The following LRMDA variants were observed in gnomAD, a reference collection of about 807,000 sequenced individuals.
LRMDA encodes leucine rich melanocyte differentiation associated, also known as leucine-rich melanocyte differentiation-associated protein.
In LRMDA, 18 loss-of-function variants were observed where a neutral mutation model predicts 29.8. The observed-to-expected ratio is 0.60, with a 90% CI of 0.42 to 0.90. The LOEUF is 0.90. Ranked by LOEUF, LRMDA falls within the 40% of genes least tolerant of loss-of-function variation. The pLI is 0.00. For missense variants in LRMDA, 273 were observed against 273.9 expected (o/e 1.00, Z 0.02); for synonymous variants, 125 against 109.4 (o/e 1.14, Z -0.89).
chr10:75,665,684 A>G (rs1306516394), intron 2 of LRMDA, among the ~76,000 whole-genome samples: 2 of 152,262 alleles, frequency 1.3e-5, no homozygotes, highest in Non-Finnish European at 2.9e-5. Context: ...TAGTAATGTC[A>G]GGAAAAATTG....
chr10:75,657,391 G>T (rs1841690301), intron 2 of LRMDA, among the ~76,000 whole-genome samples: 1 of 152,158 alleles, frequency 6.6e-6, no homozygotes, highest in South Asian at 2.1e-4. Flanking sequence ...AAGGGTGAAA[G>T]CGTGGTAGGC....
chr10:76,358,154 G>A (rs1841265565), intron 6 of LRMDA, among the ~76,000 whole-genome samples: 1 of 152,160 alleles, frequency 6.6e-6, no homozygotes, highest in East Asian at 1.9e-4. Flanking sequence ...AGATCCCTCA[G>A]CTTTATTCAT....
At chr10:75,717,883 C>T (rs778304637) in intron 2 of LRMDA, among the ~76,000 whole-genome samples, 4 of 152,012 alleles carry the variant, frequency 2.6e-5, no homozygotes, top group African/African-American at 4.8e-5. Flanking sequence ...TCAGCCATAT[C>T]GCACCAACAT....
intron 5 of LRMDA, among the ~76,000 whole-genome samples, chr10:76,144,181 T>G (rs1245408892): frequency 1.3e-5 from 2 of 152,216 alleles, no homozygotes; most frequent in Non-Finnish European, 2.9e-5. Flanking sequence ...GCGGGCTCTT[T>G]TTTGGTTCCA....
chr10:76,404,296 G>A (rs963285496), intron 6 of LRMDA, among the ~76,000 whole-genome samples: 3 of 152,102 alleles, frequency 2.0e-5, no homozygotes, highest in African/African-American at 4.8e-5. Flanking sequence ...TTATTATTAT[G>A]AGTGTTTCAC....
chr10:75,915,854 G>A (rs549736928), intron 2 of LRMDA, among the ~76,000 whole-genome samples: 1 of 152,288 alleles, frequency 6.6e-6, no homozygotes, highest in South Asian at 2.1e-4. Flanking sequence ...AGGCCAGTGA[G>A]TTGGTGTCAT....
intron 5 of LRMDA, among the ~76,000 whole-genome samples, chr10:76,270,029 T>A (rs1840048399): frequency 6.6e-6 from 1 of 152,174 alleles, no homozygotes; most frequent in Non-Finnish European, 1.5e-5. Context: ...ACTCCCCTTT[T>A]TGTTCCCCGT....
chr10:75,753,278 G>A (rs1443755287), intron 2 of LRMDA, among the ~76,000 whole-genome samples: 1 of 152,224 alleles, frequency 6.6e-6, no homozygotes, highest in Non-Finnish European at 1.5e-5. Context: ...CCTAAGGGCA[G>A]TGGGGACCTT....
At chr10:75,523,142 G>A (rs1242328514) in intron 2 of LRMDA, among the ~76,000 whole-genome samples, 1 of 152,218 alleles carries the variant, frequency 6.6e-6, no homozygotes, top group Non-Finnish European at 1.5e-5. Context: ...AGCAAATGGA[G>A]TAATGTGGGT....
chr10:75,912,694 G>A (rs1438603775), intron 2 of LRMDA, among the ~76,000 whole-genome samples: 1 of 152,186 alleles, frequency 6.6e-6, no homozygotes. Flanking sequence ...TTGAATGTGA[G>A]GCTGAGACAT....
intron 2 of LRMDA, among the ~76,000 whole-genome samples, chr10:75,995,710 G>A (rs1190257321): frequency 6.6e-6 from 1 of 152,140 alleles, no homozygotes; most frequent in Non-Finnish European, 1.5e-5. Context: ...TTATTGTGAA[G>A]TTTTTCTTTC....
intron 2 of LRMDA, among the ~76,000 whole-genome samples, chr10:75,833,140 G>T (rs1473356925): frequency 6.6e-6 from 1 of 152,180 alleles, no homozygotes; most frequent in East Asian, 1.9e-4. Flanking sequence ...CTCCCAGCCA[G>T]CCCCTTGCAC....
At chr10:75,748,466 G>C (rs1021214367) in intron 2 of LRMDA, among the ~76,000 whole-genome samples, 1 of 152,000 alleles carries the variant, frequency 6.6e-6, no homozygotes, top group African/African-American at 2.4e-5. Context: ...CTATGTAACT[G>C]AACTCATTAT....
Position 76,424,338 on chromosome 10 carries a change from A to G in LRMDA, c.601+99853A>G, listed in dbSNP as rs544399932. Reference sequence around the variant, plus strand: ...AGGTCAGGAGATTGAGACCATCCTGACAAATATGGTGAAACCCTGTCTCTA... The same window carrying G: ...AGGTCAGGAGATTGAGACCATCCTGGCAAATATGGTGAAACCCTGTCTCTA... On this transcript the variant is annotated intron_variant, in intron 6 of 6. Transcript: ENST00000611255. 3.3e-5 allele frequency among the ~76,000 whole-genome samples: 5 copies of G among 152,196 alleles called. No individual in the cohort carries two copies. The South Asian group carries it at 1.0e-3, about 32-fold the overall frequency.
At chr10:76,182,202 A>G (rs186877685) in intron 5 of LRMDA, among the ~76,000 whole-genome samples, 391 of 152,240 alleles carry the variant, frequency 2.6e-3, no homozygotes, top group Middle Eastern at 6.8e-3. Flanking sequence ...AGGCAAAGGG[A>G]AGCAAGGCAT....
At chr10:76,212,462 G>T (rs926594190) in intron 5 of LRMDA, among the ~76,000 whole-genome samples, 2 of 151,486 alleles carry the variant, frequency 1.3e-5, no homozygotes, top group African/African-American at 4.8e-5. Context: ...CTTTTTTTTG[G>T]AAGGAAGTGT....
In LRMDA at chr10:76,557,195, C is replaced by G. The variant is rs776210983; in HGVS notation, c.602-14C>G. The G allele has an allele frequency of 6.2e-7, 1 of 1,609,742 alleles. No individual in the cohort carries two copies. The highest frequency in any genetic ancestry group is 1.1e-5 in the South Asian group (1 of 90,980). Reference sequence around the variant, plus strand: ...GTGTGCCACCTGTAATGATGTGTGTCTTTTTATTTGCAGGTGTCCTGGGGA... The same window carrying G: ...GTGTGCCACCTGTAATGATGTGTGTGTTTTTATTTGCAGGTGTCCTGGGGA... On this transcript the variant is annotated splice_polypyrimidine_tract_variant and intron_variant, in intron 6 of 6. Coordinates refer to ENST00000611255, the MANE Select transcript of LRMDA (RefSeq NM_001305581.2).
At chr10:76,359,984 T>C (rs565802211) in intron 6 of LRMDA, among the ~76,000 whole-genome samples, 1 of 152,074 alleles carries the variant, frequency 6.6e-6, no homozygotes, top group Non-Finnish European at 1.5e-5. Flanking sequence ...GTGGCATTTC[T>C]TTTTCTTTTG....
At chr10:76,165,949 T>C (rs1299956827) in intron 5 of LRMDA, among the ~76,000 whole-genome samples, 2 of 152,106 alleles carry the variant, frequency 1.3e-5, no homozygotes, top group South Asian at 2.1e-4. Context: ...TTTGGGTAGG[T>C]TGGTGAACAA....
Sources: gnomAD v4.1 joint callset for allele counts (sites outside exome capture counted in the v4.1 genomes callset) on GRCh38, gnomAD v4.1.1 for gene constraint, MANE v1.5 for transcripts, NCBI Gene and HGNC (gene_info 2026-07-23, HGNC 2026-07-21) for gene names.